The following FSTL5 variants were observed in gnomAD, a reference collection of about 807,000 sequenced individuals.
The protein encoded by FSTL5 is follistatin-related protein 5.
Under a neutral mutation model 89.1 loss-of-function variants are expected in FSTL5, and 62 were observed. The ratio of observed to expected loss-of-function variants is 0.70; its 90% CI spans 0.57 to 0.86. FSTL5 has a LOEUF of 0.86. FSTL5 is among the 40% of genes least tolerant of loss of function. FSTL5 has a pLI of 0.00. For missense variants in FSTL5, 1,057 were observed against 1,001.6 expected (o/e 1.06, Z -0.75); for synonymous variants, 383 against 346.2 (o/e 1.11, Z -1.18).
At chr4:161,745,307 T>A (rs2126775976) in intron 6 of FSTL5, among the ~76,000 whole-genome samples, 1 of 152,194 alleles carries the variant, frequency 6.6e-6, no homozygotes, top group Middle Eastern at 3.4e-3. Flanking sequence ...CAGTGTGATC[T>A]CATATAAAAA....
At chr4:161,574,786 T>C (rs1159945104) in intron 8 of FSTL5, among the ~76,000 whole-genome samples, 1 of 152,188 alleles carries the variant, frequency 6.6e-6, no homozygotes, top group Non-Finnish European at 1.5e-5. Flanking sequence ...TTTGCTATTG[T>C]AAATAGTGCT....
rs529318012 is a variant in FSTL5 at position 161,424,893 on chromosome 4, A to G, written c.1841+30111T>C. Among the ~76,000 whole-genome samples the G allele has an allele frequency of 2.0e-5, 3 of 152,350 alleles. No homozygotes were observed. In the East Asian group the frequency reaches 5.8e-4, roughly 29 times the overall value. On this transcript the variant is annotated intron_variant, in intron 15 of 15. Transcript: ENST00000306100. ...TAATAGGAGAGTCCTCTCTGCTTTA[A>G]CCCTTCAAAGAAAAGCAAACTCAAA...
intron 4 of FSTL5, among the ~76,000 whole-genome samples, chr4:161,813,198 G>A (rs929099128): frequency 1.5e-4 from 23 of 151,860 alleles, no homozygotes; most frequent in Admixed American, 2.6e-4. Flanking sequence ...GGCAATTTTT[G>A]TTTTGTATTT....
chr4:161,903,088 G>A (rs936768484), intron 4 of FSTL5, among the ~76,000 whole-genome samples: 1 of 152,080 alleles, frequency 6.6e-6, no homozygotes, highest in Admixed American at 6.6e-5. Context: ...CTTTTGAAAT[G>A]TTATCCCTTT....
intron 15 of FSTL5, among the ~76,000 whole-genome samples, chr4:161,448,810 G>C (rs1560900176): frequency 1.3e-5 from 2 of 152,092 alleles, no homozygotes; most frequent in Non-Finnish European, 2.9e-5. Flanking sequence ...TTTCACTGTT[G>C]AGGATCCTAA....
chr4:161,508,583 A>T (rs1022569335), intron 11 of FSTL5, among the ~76,000 whole-genome samples: 1 of 152,208 alleles, frequency 6.6e-6, no homozygotes, highest in African/African-American at 2.4e-5. Context: ...ATAGAAAATA[A>T]TCTGGATTTA....
At chr4:161,496,617 C>CT (rs1730081616) in intron 12 of FSTL5, among the ~76,000 whole-genome samples, 1 of 152,124 alleles carries the variant, frequency 6.6e-6, no homozygotes, top group South Asian at 2.1e-4. Flanking sequence ...GGTTTCCAGA[C>CT]TGATGGCCTC....
chr4:161,587,948 T>G (rs1377988111), intron 7 of FSTL5, among the ~76,000 whole-genome samples: 1 of 152,032 alleles, frequency 6.6e-6, no homozygotes, highest in African/African-American at 2.4e-5. Context: ...CCGAGGCAGG[T>G]GGATCACTTG....
intron 11 of FSTL5, among the ~76,000 whole-genome samples, chr4:161,509,005 C>T (rs1730569469): frequency 6.6e-6 from 1 of 152,028 alleles, no homozygotes; most frequent in African/African-American, 2.4e-5. Flanking sequence ...AGAGAGAAGA[C>T]AATATAATGA....
At chr4:162,134,278 A>G (rs72986937) in intron 1 of FSTL5, among the ~76,000 whole-genome samples, 35,341 of 152,056 alleles carry the variant, frequency 0.23, 4,301 homozygotes, top group Non-Finnish European at 0.26. Context: ...AAGTGACCTG[A>G]GGGAGAATAA....
chr4:161,698,699 C>A (rs1738273601), intron 6 of FSTL5, among the ~76,000 whole-genome samples: 1 of 152,072 alleles, frequency 6.6e-6, no homozygotes, highest in African/African-American at 2.4e-5. Flanking sequence ...GAAGCCGAGG[C>A]GGGTGATCAC....
At chr4:162,092,939 C>A in intron 2 of FSTL5, among the ~76,000 whole-genome samples, 1 of 98,392 alleles carries the variant, frequency 1.0e-5, no homozygotes, top group South Asian at 3.7e-4. Context: ...CAGAGCGAGA[C>A]TCTGTCTCAA....
chr4:161,572,809 T>G (rs1244101218), intron 8 of FSTL5, among the ~76,000 whole-genome samples: 2 of 151,976 alleles, frequency 1.3e-5, no homozygotes, highest in Non-Finnish European at 2.9e-5. Context: ...CAACCCACAA[T>G]CAGACTGTAG....
intron 4 of FSTL5, among the ~76,000 whole-genome samples, chr4:161,796,812 A>T (rs1729645080): frequency 6.6e-6 from 1 of 151,646 alleles, no homozygotes; most frequent in African/African-American, 2.4e-5. Context: ...CTATTCATTA[A>T]TAGCCAAGTA....
In FSTL5 at chr4:161,481,005, A is replaced by G. The variant is rs2126453146; in HGVS notation, c.1608+15T>C. On this transcript the variant is annotated intron_variant, in intron 13 of 15. Transcript: ENST00000306100. ...TTTAAAGATTTACTTTTTAAAAAGTAGTAATTATTCATACCTGAACAACTT... is the reference window on the plus strand; with the variant it reads ...TTTAAAGATTTACTTTTTAAAAAGTGGTAATTATTCATACCTGAACAACTT... 2.6e-6 allele frequency: 4 copies of G among 1,564,022 alleles called. No individual in the cohort carries two copies. Among genetic ancestry groups the G allele is most frequent in the Middle Eastern group, 1.7e-4 (1 of 5,936 alleles).
At chr4:161,516,935 C>G (rs1299409973) in intron 10 of FSTL5, among the ~76,000 whole-genome samples, 1 of 151,974 alleles carries the variant, frequency 6.6e-6, no homozygotes, top group East Asian at 1.9e-4. Context: ...GCTCTGTTGC[C>G]CAGGCTGGAG....
chr4:161,421,546 A>G (rs2126313983), intron 15 of FSTL5, among the ~76,000 whole-genome samples: 1 of 152,264 alleles, frequency 6.6e-6, no homozygotes, highest in East Asian at 1.9e-4. Context: ...GTTGAAAAGG[A>G]GTGGACCTGT....
intron 3 of FSTL5, among the ~76,000 whole-genome samples, chr4:161,939,086 T>G (rs2110918113): frequency 6.6e-6 from 1 of 152,098 alleles, no homozygotes; most frequent in Non-Finnish European, 1.5e-5. Context: ...TTAACTGATA[T>G]CATTAGTTAC....
At chr4:161,561,024 GCATCACCA>G (rs2126570526) in intron 8 of FSTL5, among the ~76,000 whole-genome samples, 1 of 151,852 alleles carries the variant, frequency 6.6e-6, no homozygotes, top group Admixed American at 6.6e-5. Context: ...TTTTACACCA[GCATCACCA>G]CAGATGTGAG....
Sources: gnomAD v4.1 joint callset for allele counts (sites outside exome capture counted in the v4.1 genomes callset) on GRCh38, gnomAD v4.1.1 for gene constraint, MANE v1.5 for transcripts, NCBI Gene and HGNC (gene_info 2026-07-23, HGNC 2026-07-21) for gene names.